The following KIF6 variants were observed in gnomAD, a reference collection of about 807,000 sequenced individuals.
The protein encoded by KIF6 is kinesin family member 6.
A neutral mutation model predicts 112.7 loss-of-function variants in KIF6; 106 were observed. The observed-to-expected ratio is 0.94, with a 90% CI of 0.80 to 1.11. KIF6 has a LOEUF of 1.11. KIF6 is among the 50% of genes least tolerant of loss of function. KIF6 has a pLI of 0.00. For missense variants in KIF6, 929 were observed against 964.0 expected (o/e 0.96, Z 0.48); for synonymous variants, 339 against 339.9 (o/e 1.00, Z 0.03).
intron 5 of KIF6, among the ~76,000 whole-genome samples, chr6:39,627,577 T>G (rs899247951): frequency 6.6e-6 from 1 of 152,180 alleles, no homozygotes; most frequent in African/African-American, 2.4e-5. Context: ...CCTGCATCAC[T>G]TAGCAGTGTT....
intron 10 of KIF6, 131 bp downstream of exon 10, chr6:39,577,925 C>T: frequency 3.3e-6 from 2 of 600,856 alleles, no homozygotes; most frequent in Non-Finnish European, 2.9e-6. Context: ...TTAACTGGCG[C>T]CTAAATGCAA....
chr6:39,469,007 T>C (rs1440629432), intron 13 of KIF6, among the ~76,000 whole-genome samples: 1 of 152,000 alleles, frequency 6.6e-6, no homozygotes, highest in African/African-American at 2.4e-5. Context: ...CTTGAATACA[T>C]ACATACACAC....
intron 13 of KIF6, among the ~76,000 whole-genome samples, chr6:39,504,752 G>T (rs917610635): frequency 6.6e-6 from 1 of 152,224 alleles, no homozygotes; most frequent in African/African-American, 2.4e-5. Context: ...ATTCACAATT[G>T]CCACAAAAAG....
At chr6:39,622,976 G>A (rs1783909259) in intron 5 of KIF6, among the ~76,000 whole-genome samples, 1 of 152,170 alleles carries the variant, frequency 6.6e-6, no homozygotes, top group South Asian at 2.1e-4. Context: ...GAGGCTTGGG[G>A]TGTGGCAAGG....
At chr6:39,383,812 G>A (rs1306028669) in intron 16 of KIF6, among the ~76,000 whole-genome samples, 1 of 152,118 alleles carries the variant, frequency 6.6e-6, no homozygotes, top group Non-Finnish European at 1.5e-5. Flanking sequence ...ATTTGTTTGT[G>A]TTGTCTATGA....
chr6:39,383,645 C>T (rs1416487169), intron 16 of KIF6, among the ~76,000 whole-genome samples: 1 of 151,910 alleles, frequency 6.6e-6, no homozygotes, highest in African/African-American at 2.4e-5. Context: ...TATTTAGGCT[C>T]TTTTATGGTT....
intron 17 of KIF6, 95 bp from the exon 18 acceptor site, chr6:39,360,625 C>T: frequency 5.0e-6 from 7 of 1,411,128 alleles, no homozygotes; most frequent in Non-Finnish European, 5.9e-6. Context: ...GCCTCAGAAT[C>T]CCGTCAGAGC....
Position 39,717,526 on chromosome 6 carries a change from C to G in KIF6, c.177-2760G>C, listed in dbSNP as rs570323955. 2.0e-5 allele frequency among the ~76,000 whole-genome samples: 3 copies of G among 152,226 alleles called. No homozygotes were observed. In the East Asian group the frequency reaches 5.8e-4, roughly 29 times the overall value. The stretch of plus-strand genomic sequence containing the variant: ...ATTAAATGTTGCAACCATTCCTCTC[C>G]TTCACCCCCCTCATCCAGCACTCCT... On this transcript the variant is annotated intron_variant, in intron 2 of 22. Coordinates refer to ENST00000287152, the MANE Select transcript of KIF6 (RefSeq NM_145027.6).
chr6:39,604,028 C>A (rs1782733907), intron 6 of KIF6, among the ~76,000 whole-genome samples: 2 of 149,932 alleles, frequency 1.3e-5, no homozygotes, highest in South Asian at 4.2e-4. Context: ...TTAAAACAAA[C>A]CAACTAAGAA....
At chr6:39,340,103 C>T (rs1030379907) in intron 22 of KIF6, among the ~76,000 whole-genome samples, 1 of 152,236 alleles carries the variant, frequency 6.6e-6, no homozygotes, top group Non-Finnish European at 1.5e-5. Context: ...GAACCATCTG[C>T]TGTATGTCTG....
intron 3 of KIF6, among the ~76,000 whole-genome samples, chr6:39,668,120 G>C (rs1040762124): frequency 3.3e-5 from 5 of 152,082 alleles, no homozygotes; most frequent in Admixed American, 2.6e-4. Context: ...AGCAGATGCC[G>C]TCACCATACT....
chr6:39,720,037 A>G lies in KIF6; in HGVS notation c.176+665T>C, dbSNP rs569864955. Among the ~76,000 whole-genome samples, 5 of 152,356 alleles carry G rather than the reference A, an allele frequency of 3.3e-5. No homozygotes were observed. In the South Asian group the frequency reaches 1.0e-3, roughly 32 times the overall value. On this transcript the variant is annotated intron_variant, in intron 2 of 22. Transcript: ENST00000287152. ...TAAGAAACAAAAAGAAACAGCTGAA[A>G]TTAATTTTAATAATATACTTTTAAC... is the stretch of plus-strand genomic sequence containing the variant.
intron 10 of KIF6, among the ~76,000 whole-genome samples, chr6:39,556,628 G>A (rs1779724477): frequency 6.6e-6 from 1 of 151,402 alleles, no homozygotes; most frequent in Non-Finnish European, 1.5e-5. Context: ...AGGAATGAGA[G>A]GCAAGACGGC....
At chr6:39,679,061 T>C (rs1787343755) in intron 3 of KIF6, among the ~76,000 whole-genome samples, 1 of 152,214 alleles carries the variant, frequency 6.6e-6, no homozygotes, top group African/African-American at 2.4e-5. Context: ...GTTGAAATAA[T>C]ATGTTGGGCT....
intron 2 of KIF6, among the ~76,000 whole-genome samples, chr6:39,717,905 C>A (rs538430369): frequency 2.0e-5 from 3 of 152,164 alleles, no homozygotes; most frequent in Admixed American, 6.5e-5. Context: ...GCTTTTACAA[C>A]AATTGCACTT....
At chr6:39,517,037 T>C (rs1777124991) in intron 13 of KIF6, among the ~76,000 whole-genome samples, 2 of 152,208 alleles carry the variant, frequency 1.3e-5, no homozygotes, top group Non-Finnish European at 2.9e-5. Context: ...CTTCCACTGG[T>C]TGATGCTCCT....
intron 13 of KIF6, among the ~76,000 whole-genome samples, chr6:39,437,764 G>A (rs971606813): frequency 2.0e-5 from 3 of 152,146 alleles, no homozygotes; most frequent in African/African-American, 7.2e-5. Context: ...TGAACTGCAT[G>A]TACGACGGTG....
intron 10 of KIF6, among the ~76,000 whole-genome samples, chr6:39,552,303 C>A (rs916019400): frequency 2.0e-5 from 3 of 152,154 alleles, no homozygotes; most frequent in African/African-American, 7.2e-5. Flanking sequence ...TAGTCTGGTT[C>A]TCTTTATACC....
intron 13 of KIF6, among the ~76,000 whole-genome samples, chr6:39,433,219 T>C (rs1226650456): frequency 6.6e-6 from 1 of 152,156 alleles, no homozygotes; most frequent in African/African-American, 2.4e-5. Context: ...AACACAAAAG[T>C]AAGTGACAAT....
Sources: allele counts gnomAD v4.1 joint callset (sites outside exome capture counted in the v4.1 genomes callset), GRCh38; gene constraint gnomAD v4.1.1; transcripts MANE v1.5; gene names NCBI Gene and HGNC (gene_info 2026-07-23, HGNC 2026-07-21).